The following NDFIP1 variants were observed in gnomAD, a reference collection of about 807,000 sequenced individuals.
NDFIP1 encodes Nedd4 family interacting protein 1.
A neutral mutation model predicts 28.8 loss-of-function variants in NDFIP1; 7 were observed. The ratio of observed to expected loss-of-function variants is 0.24; its 90% CI spans 0.14 to 0.46. The LOEUF is 0.46. NDFIP1 is among the 20% of genes least tolerant of loss of function. The pLI, the probability that NDFIP1 is intolerant of heterozygous loss-of-function variation, is 0.99. For synonymous variants in NDFIP1, 92 were observed against 101.0 expected (o/e 0.91, Z 0.53); for missense variants, 194 against 269.1 (o/e 0.72, Z 1.95).
At chr5:142,142,106 C>G (rs1041235777) in intron 6 of NDFIP1, among the ~76,000 whole-genome samples, 1 of 152,118 alleles carries the variant, frequency 6.6e-6, no homozygotes, top group Admixed American at 6.5e-5. Flanking sequence ...CACTGCACTT[C>G]AGCTTGGGTG....
chr5:142,122,834 A>G (rs1255054612), intron 1 of NDFIP1, among the ~76,000 whole-genome samples: 5 of 152,070 alleles, frequency 3.3e-5, no homozygotes, highest in Admixed American at 1.3e-4. Flanking sequence ...ATTGATTTTA[A>G]GAAGTTCTTT....
intron 1 of NDFIP1, among the ~76,000 whole-genome samples, chr5:142,109,929 G>A (rs1005719472): frequency 6.6e-6 from 1 of 152,192 alleles, no homozygotes. Flanking sequence ...AACTGATGTT[G>A]ATTGGAACCG....
intron 4 of NDFIP1, among the ~76,000 whole-genome samples, chr5:142,136,937 G>A (rs1261225374): frequency 1.3e-5 from 2 of 151,314 alleles, no homozygotes; most frequent in Middle Eastern, 3.4e-3. Flanking sequence ...CGGGCCTGGC[G>A]GTGCACGCCT....
chr5:142,127,205 G>A (rs1022668670), intron 1 of NDFIP1, among the ~76,000 whole-genome samples: 7 of 152,176 alleles, frequency 4.6e-5, no homozygotes, highest in South Asian at 2.1e-4. Context: ...TAGTAGAGAC[G>A]AGATTTTACC....
intron 7 of NDFIP1, among the ~76,000 whole-genome samples, 190 bp from the exon 8 acceptor site, chr5:142,151,541 C>T (rs1226108269): frequency 6.6e-6 from 1 of 152,096 alleles, no homozygotes; most frequent in Non-Finnish European, 1.5e-5. Context: ...TTCTAGAGGC[C>T]TTGATAACTT....
intron 5 of NDFIP1, 105 bp downstream of exon 5, chr5:142,137,963 T>TTAAA (rs1442540206): frequency 3.6e-6 from 5 of 1,399,346 alleles, no homozygotes; most frequent in Non-Finnish European, 4.8e-6. Context: ...TTTCAGTGTG[T>TTAAA]TAAATGATTT....
chr5:142,140,231 C>T (rs1416104005), intron 5 of NDFIP1, among the ~76,000 whole-genome samples: 1 of 151,916 alleles, frequency 6.6e-6, no homozygotes, highest in Non-Finnish European at 1.5e-5. Flanking sequence ...GGTGGATCAC[C>T]TGAGGTAGGG....
At chr5:142,146,547 A>G (rs1276085474) in intron 7 of NDFIP1, among the ~76,000 whole-genome samples, 3 of 152,170 alleles carry the variant, frequency 2.0e-5, no homozygotes, top group Non-Finnish European at 4.4e-5. Context: ...TGCTGAAATC[A>G]CCTAATATTT....
intron 1 of NDFIP1, among the ~76,000 whole-genome samples, chr5:142,120,243 A>G (rs1757110294): frequency 6.6e-6 from 1 of 152,208 alleles, no homozygotes; most frequent in Non-Finnish European, 1.5e-5. Flanking sequence ...GGCATGAGCC[A>G]CTGCACCCGG....
chr5:142,116,549 A>G lies in NDFIP1; in HGVS notation c.63+7512A>G, dbSNP rs570171716. Among the ~76,000 whole-genome samples the G allele has an allele frequency of 1.0e-3, 157 of 151,924 alleles. 1 individual carries two copies. The highest frequency in any genetic ancestry group is 1.8e-3 in the Non-Finnish European group (125 of 67,950). On this transcript the variant is annotated intron_variant, in intron 1 of 7. Transcript: ENST00000253814. Reference sequence around the variant, plus strand: ...AGGCCCGGCTAATTTTTGTATTTTTAGTAGAGGTGGGGTTTCACCATGTTG... The same window carrying G: ...AGGCCCGGCTAATTTTTGTATTTTTGGTAGAGGTGGGGTTTCACCATGTTG...
intron 7 of NDFIP1, among the ~76,000 whole-genome samples, chr5:142,147,469 A>G (rs1757401127): frequency 6.6e-6 from 1 of 152,206 alleles, no homozygotes; most frequent in Non-Finnish European, 1.5e-5. Context: ...CACAGTTTTT[A>G]AAAAGTAATT....
intron 1 of NDFIP1, among the ~76,000 whole-genome samples, chr5:142,111,582 G>T (rs1757014657): frequency 6.6e-6 from 1 of 152,186 alleles, no homozygotes; most frequent in African/African-American, 2.4e-5. Context: ...CTCTTTGGTT[G>T]TCACACAGGG....
intron 4 of NDFIP1, among the ~76,000 whole-genome samples, chr5:142,137,044 C>T: frequency 7.7e-6 from 1 of 130,028 alleles, no homozygotes. Context: ...GCACTCCAGC[C>T]TGGGTGACAG....
chr5:142,110,198 AT>A (rs1756998922), intron 1 of NDFIP1, among the ~76,000 whole-genome samples: 1 of 152,106 alleles, frequency 6.6e-6, no homozygotes, highest in Non-Finnish European at 1.5e-5. Flanking sequence ...CTAGTTAAGA[AT>A]TTCACTTCTT....
Position 142,132,271 on chromosome 5 carries a change from A to G in NDFIP1, c.211A>G (p.Thr71Ala). ...FPKPPSYNVA[T>A]TLPSYDEAER... is the part of the protein sequence containing the mutation. ...AAAGCCCCCATCTTACAATGTAGCT[A>G]CAACACTGCCCAGTTATGATGAAGC... Residue 71 changes from threonine (T) to alanine (A), a missense_variant, in exon 3 of 8, where the codon ACA (threonine) becomes GCA (alanine). Coordinates refer to ENST00000253814, the MANE Select transcript of NDFIP1 (RefSeq NM_030571.4). 3 of 1,614,200 alleles carry G rather than the reference A, an allele frequency of 1.9e-6. No individual in the cohort carries two copies. Among genetic ancestry groups the G allele is most frequent in the Non-Finnish European group, 2.5e-6 (3 of 1,180,018 alleles).
At chr5:142,141,941 C>T (rs1463774939) in intron 6 of NDFIP1, among the ~76,000 whole-genome samples, 2 of 151,998 alleles carry the variant, frequency 1.3e-5, no homozygotes, top group Non-Finnish European at 2.9e-5. Context: ...TAAGACCAGC[C>T]TGGGCAACAT....
chr5:142,145,845 C>A (rs1757383180), intron 7 of NDFIP1, among the ~76,000 whole-genome samples: 1 of 152,218 alleles, frequency 6.6e-6, no homozygotes, highest in Admixed American at 6.5e-5. Flanking sequence ...ACGTGGAGCA[C>A]GAATTTGTTC....
In NDFIP1 at chr5:142,137,765, C is replaced by A; in HGVS notation, c.402C>A (p.Phe134Leu). ...MAFLFNWIGF[F>L]LSFCLTTSAA... ...TCCTCTTTAACTGGATTGGGTTTTT[C>A]CTGTCTTTTTGCCTGACCACTTCAG... Residue 134 changes from phenylalanine to leucine, a missense_variant, in exon 5 of 8, where the codon TTC (phenylalanine) becomes TTA (leucine). Physicochemically the swap from Phe to Leu is conservative, Grantham distance 22. Transcript: ENST00000253814. The A allele has an allele frequency of 6.2e-7, 1 of 1,614,108 alleles. No individual in the cohort carries two copies. Among genetic ancestry groups the A allele is most frequent in the Non-Finnish European group, 8.5e-7 (1 of 1,179,992 alleles).
chr5:142,108,966 G>T lies in NDFIP1; in HGVS notation c.-9G>T. On this transcript the variant is annotated 5_prime_UTR_variant, in exon 1 of 8. Coordinates refer to ENST00000253814, the MANE Select transcript of NDFIP1 (RefSeq NM_030571.4). ...TCGCTCGCTCTGCTTCCCTGCTGCC[G>T]GCTGCGCCATGGCGTTGGCGTTGGC... 1 of 1,441,438 alleles carries T rather than the reference G, an allele frequency of 6.9e-7. No homozygotes were observed. Among genetic ancestry groups the T allele is most frequent in the Non-Finnish European group, 9.1e-7 (1 of 1,100,490 alleles). The allele number at this position is 1,441,438 out of a possible 1,614,324, so 89.3% of individuals were successfully genotyped here. A position where few individuals can be genotyped will look rare whatever the true frequency, so the allele number is the denominator to read the frequency against.
Sources: allele counts gnomAD v4.1 joint callset (sites outside exome capture counted in the v4.1 genomes callset), GRCh38; gene constraint gnomAD v4.1.1; transcripts MANE v1.5; gene names NCBI Gene and HGNC (gene_info 2026-07-23, HGNC 2026-07-21).